CDH12: variants seen among roughly 807,000 people sequenced by gnomAD.
CDH12 encodes cadherin 12.
Under a neutral mutation model 74.1 loss-of-function variants are expected in CDH12, and 41 were observed. The ratio of observed to expected loss-of-function variants is 0.55; its 90% CI spans 0.43 to 0.72. CDH12 has a LOEUF of 0.72. Among genes scored for constraint, CDH12 ranks in the 30% least tolerant of loss-of-function variants. CDH12 has a pLI of 0.00. For synonymous variants in CDH12, 399 were observed against 355.0 expected (o/e 1.12, Z -1.39); for missense variants, 945 against 977.2 (o/e 0.97, Z 0.44).
chr5:22,280,373 A>G (rs1736824032), intron 3 of CDH12, among the ~76,000 whole-genome samples: 3 of 152,212 alleles, frequency 2.0e-5, no homozygotes, highest in Admixed American at 2.0e-4. Flanking sequence ...AACTAAGATC[A>G]GAGCAGAACT....
intron 3 of CDH12, among the ~76,000 whole-genome samples, chr5:22,284,453 A>G (rs1333271084): frequency 1.3e-5 from 2 of 152,058 alleles, no homozygotes; most frequent in Non-Finnish European, 2.9e-5. Flanking sequence ...TTTTGGCACA[A>G]TTCAGCTTCT....
intron 4 of CDH12, among the ~76,000 whole-genome samples, chr5:22,185,660 T>A: frequency 6.6e-6 from 1 of 152,172 alleles, no homozygotes; most frequent in East Asian, 1.9e-4. Context: ...TTATTTGTCA[T>A]AAGGTAAGGG....
intron 3 of CDH12, among the ~76,000 whole-genome samples, chr5:22,396,697 C>G (rs1002648431): frequency 4.6e-5 from 7 of 152,182 alleles, no homozygotes; most frequent in Admixed American, 3.9e-4. Flanking sequence ...TCCAATGGGT[C>G]ATATTGGTTC....
intron 3 of CDH12, among the ~76,000 whole-genome samples, chr5:22,360,842 T>C (rs751450483): frequency 3.3e-5 from 5 of 152,148 alleles, no homozygotes; most frequent in Non-Finnish European, 4.4e-5. Context: ...CATGATTATC[T>C]CAATAGATGC....
chr5:21,986,267 T>C (rs1560995811), intron 5 of CDH12, among the ~76,000 whole-genome samples: 2 of 152,170 alleles, frequency 1.3e-5, no homozygotes, highest in Non-Finnish European at 2.9e-5. Context: ...ATATTACACA[T>C]CCTGTTATAG....
intron 5 of CDH12, among the ~76,000 whole-genome samples, chr5:22,002,767 C>T (rs1736678303): frequency 6.6e-6 from 1 of 151,922 alleles, no homozygotes; most frequent in South Asian, 2.1e-4. Flanking sequence ...TTTCATTAGC[C>T]TGCTGGGACA....
chr5:21,893,181 C>T (rs1459219426), intron 6 of CDH12, among the ~76,000 whole-genome samples: 2 of 152,146 alleles, frequency 1.3e-5, no homozygotes, highest in Admixed American at 6.6e-5. Context: ...TGATCATTGC[C>T]TTTCAAGTTA....
intron 3 of CDH12, among the ~76,000 whole-genome samples, chr5:22,233,419 A>C (rs998677551): frequency 6.6e-6 from 1 of 152,080 alleles, no homozygotes; most frequent in African/African-American, 2.4e-5. Flanking sequence ...AATCTTGCTC[A>C]TGTAAAAGGC....
At chr5:22,565,268 T>C (rs1739234495) in intron 1 of CDH12, among the ~76,000 whole-genome samples, 1 of 152,144 alleles carries the variant, frequency 6.6e-6, no homozygotes, top group Admixed American at 6.6e-5. Flanking sequence ...TACCTAGCAG[T>C]AGGATTGCTG....
intron 4 of CDH12, among the ~76,000 whole-genome samples, chr5:22,113,577 T>C (rs1323411519): frequency 6.6e-6 from 1 of 152,096 alleles, no homozygotes; most frequent in Non-Finnish European, 1.5e-5. Context: ...CTTAAATATA[T>C]TTGATTGACG....
intron 5 of CDH12, among the ~76,000 whole-genome samples, chr5:22,029,134 T>C (rs1421915724): frequency 6.6e-6 from 1 of 152,190 alleles, no homozygotes; most frequent in East Asian, 1.9e-4. Flanking sequence ...AAGACTTAAA[T>C]GTTATACCTA....
chr5:21,774,884 G>T (rs1445906258), intron 11 of CDH12, among the ~76,000 whole-genome samples: 1 of 152,188 alleles, frequency 6.6e-6, no homozygotes, highest in South Asian at 2.1e-4. Context: ...CATGGTAACT[G>T]ATTCCACTCT....
chr5:22,835,053 G>C (rs1182665203), intron 1 of CDH12, among the ~76,000 whole-genome samples: 4 of 151,974 alleles, frequency 2.6e-5, no homozygotes, highest in Non-Finnish European at 4.4e-5. Context: ...TAATAAATTT[G>C]CATTTCTATT....
At chr5:22,469,861 A>G (rs1296783848) in intron 2 of CDH12, among the ~76,000 whole-genome samples, 2 of 152,194 alleles carry the variant, frequency 1.3e-5, no homozygotes, top group African/African-American at 4.8e-5. Flanking sequence ...TTACTGTGCA[A>G]TCTCATAGCA....
At chr5:22,530,276 T>C (rs1212897752) in intron 1 of CDH12, among the ~76,000 whole-genome samples, 1 of 152,166 alleles carries the variant, frequency 6.6e-6, no homozygotes, top group African/African-American at 2.4e-5. Flanking sequence ...CTTTTCATTT[T>C]GTCCTAATTT....
chr5:22,141,464 A>G (rs1746788219), intron 4 of CDH12: 1 of 152,130 alleles, frequency 6.6e-6, no homozygotes, highest in South Asian at 2.1e-4. Context: ...TTCTTTAGTG[A>G]GACTGGAAGG....
At chr5:22,605,984 G>A (rs1737096308) in intron 1 of CDH12, among the ~76,000 whole-genome samples, 1 of 152,348 alleles carries the variant, frequency 6.6e-6, no homozygotes, top group East Asian at 1.9e-4. Flanking sequence ...CTGCTGAGCT[G>A]TAGGGCAACT....
At chr5:21,789,416 T>G (rs1746372236) in intron 10 of CDH12, among the ~76,000 whole-genome samples, 1 of 152,136 alleles carries the variant, frequency 6.6e-6, no homozygotes, top group Non-Finnish European at 1.5e-5. Context: ...CACTGTCTTT[T>G]GCTATTCTTA....
chr5:22,021,415 C>G (rs887512929), intron 5 of CDH12, among the ~76,000 whole-genome samples: 1 of 152,108 alleles, frequency 6.6e-6, no homozygotes, highest in East Asian at 1.9e-4. Flanking sequence ...AAAATGTGAA[C>G]AAAGCTTGAT....
Sources: allele counts gnomAD v4.1 joint callset (sites outside exome capture counted in the v4.1 genomes callset), GRCh38; gene constraint gnomAD v4.1.1; transcripts MANE v1.5; gene names NCBI Gene and HGNC (gene_info 2026-07-23, HGNC 2026-07-21).